The following NECTIN2 variants were observed in gnomAD, a reference collection of about 807,000 sequenced individuals.
NECTIN2 encodes nectin-2.
NECTIN2 carries 23 observed loss-of-function variants against 56.9 expected under a neutral mutation model. That is an observed-to-expected ratio of 0.40 (90% CI 0.29 to 0.57). NECTIN2 has a LOEUF of 0.57. Among genes scored for constraint, NECTIN2 ranks in the 20% least tolerant of loss-of-function variants. The pLI is 0.38. For missense variants in NECTIN2, 587 were observed against 718.3 expected, an observed-to-expected ratio of 0.82 and a Z score of 2.09; for synonymous variants, 302 against 313.8, an observed-to-expected ratio of 0.96 and a Z score of 0.40.
rs1418942572 is a variant in NECTIN2, at chr19:44,888,447, GC to G, written c.*73del. The G allele has an allele frequency of 3.3e-6, 5 of 1,527,430 alleles. No homozygotes were observed. The highest frequency in any genetic ancestry group is 1.4e-5 in the African/African-American group (1 of 72,984). 94.6% of individuals were successfully genotyped at this position (1,527,430 alleles called of 1,614,324 possible). ...TTAGCTTTCTTGCCAAGGATCTAGT[GC>G]CCCCTGACCTCTGGCCAGGCCACTG... On this transcript the variant is annotated 3_prime_UTR_variant, in exon 9 of 9. Coordinates refer to ENST00000252483, the MANE Select transcript of NECTIN2 (RefSeq NM_001042724.2).
At chr19:44,879,450 T>C (rs1969283880) in intron 5 of NECTIN2, among the ~76,000 whole-genome samples, 1 of 151,932 alleles carries the variant, frequency 6.6e-6, no homozygotes, top group Admixed American at 6.5e-5. Context: ...CTCCCATTCT[T>C]AGGGGCCCTG....
intron 2 of NECTIN2, among the ~76,000 whole-genome samples, chr19:44,867,909 C>T (rs1017900580): frequency 2.0e-5 from 3 of 151,354 alleles, no homozygotes; most frequent in Non-Finnish European, 2.9e-5. Flanking sequence ...GAGGAGTGGA[C>T]GGAGGTAGAA....
intron 5 of NECTIN2, among the ~76,000 whole-genome samples, chr19:44,881,302 G>A (rs1051824867): frequency 6.6e-6 from 1 of 151,980 alleles, no homozygotes; most frequent in Non-Finnish European, 1.5e-5. Flanking sequence ...TCTTCTAGCC[G>A]CCCCTGGTCC....
chr19:44,858,716 T>C (rs540148779), intron 1 of NECTIN2, among the ~76,000 whole-genome samples: 11 of 151,978 alleles, frequency 7.2e-5, no homozygotes, highest in South Asian at 2.1e-4. Flanking sequence ...GATCTCAGCT[T>C]ACTGCAACCT....
intron 1 of NECTIN2, among the ~76,000 whole-genome samples, chr19:44,859,436 T>A (rs1969006782): frequency 6.6e-6 from 1 of 152,164 alleles, no homozygotes; most frequent in Admixed American, 6.5e-5. Flanking sequence ...AGAGCCAGGA[T>A]TCAAACCCAT....
intron 6 of NECTIN2, among the ~76,000 whole-genome samples, chr19:44,884,934 A>G (rs189372877): frequency 2.6e-5 from 4 of 152,302 alleles, no homozygotes; most frequent in African/African-American, 4.8e-5. Context: ...AACTCCTCAT[A>G]GTGGATTCTG....
chr19:44,885,307 C>CTTTTTTT (rs34485333), intron 6 of NECTIN2, among the ~76,000 whole-genome samples: 1 of 112,944 alleles, frequency 8.9e-6, no homozygotes, highest in Non-Finnish European at 1.9e-5. Context: ...ATCTTTCTTT[C>CTTTTTTT]TTTTTTTTTT....
chr19:44,865,172 C>A lies in NECTIN2; in HGVS notation c.89-99C>A. ...GAAGCTGCCTACGTTGCATGCGGAG[C>A]CTGCATTTCCCGTGGGGCCCCCTTC... On this transcript the variant is annotated intron_variant, in intron 1 of 8. Coordinates refer to ENST00000252483, the MANE Select transcript of NECTIN2 (RefSeq NM_001042724.2). The surrounding 1 kb of genome is among the most constrained non-coding windows in gnomAD (Gnocchi z 5.2). 3.1e-6 allele frequency: 4 copies of A among 1,310,934 alleles called. No homozygotes were observed. The highest frequency in any genetic ancestry group is 3.1e-6 in the Non-Finnish European group (3 of 953,100). 81.2% of individuals were successfully genotyped at this position (1,310,934 alleles called of 1,614,324 possible). A position where few individuals can be genotyped will look rare whatever the true frequency, so the allele number is the denominator to read the frequency against.
At chr19:44,876,662 A>G (rs1969241856) in intron 5 of NECTIN2, among the ~76,000 whole-genome samples, 1 of 152,134 alleles carries the variant, frequency 6.6e-6, no homozygotes, top group Admixed American at 6.5e-5. Context: ...CGTCACAGAG[A>G]CACAGTATGG....
chr19:44,864,340 G>T (rs1284166280), intron 1 of NECTIN2, among the ~76,000 whole-genome samples: 1 of 151,988 alleles, frequency 6.6e-6, no homozygotes, highest in Non-Finnish European at 1.5e-5. Flanking sequence ...TGAAAGAAAA[G>T]AAAACTTTTA....
chr19:44,865,313 GC>G lies in NECTIN2; in HGVS notation c.133del (p.Gln45SerfsTer24). 1.9e-6 allele frequency: 3 copies of G among 1,613,808 alleles called. No homozygotes were observed. Among genetic ancestry groups the G allele is most frequent in the Non-Finnish European group, 2.5e-6 (3 of 1,179,858 alleles). On this transcript the variant is annotated frameshift_variant, in exon 2 of 9. Coordinates refer to ENST00000252483, the MANE Select transcript of NECTIN2 (RefSeq NM_001042724.2). LOFTEE classifies it high-confidence loss of function. This position sits in a 1 kb window ranked among gnomAD's most constrained non-coding sequence, Gnocchi z 5.2. ...GTTCAAGTGCTACCCGAGGTGCGAGGCCAGCTCGGGGGCACCGTGGAGCTGC... is the reference window on the plus strand; with the variant it reads ...GTTCAAGTGCTACCCGAGGTGCGAGGCAGCTCGGGGGCACCGTGGAGCTGC... ...VRVQVLPEVR[G>X]QLGGTVELPC... is the part of the protein sequence containing the mutation.
intron 8 of NECTIN2, among the ~76,000 whole-genome samples, chr19:44,886,800 G>A (rs2094300483): frequency 6.6e-6 from 1 of 152,122 alleles, no homozygotes; most frequent in Non-Finnish European, 1.5e-5. Flanking sequence ...CAGTACTTTG[G>A]GAGGCCAAGG....
chr19:44,855,452 C>G (rs1968955428), intron 1 of NECTIN2, among the ~76,000 whole-genome samples: 1 of 151,884 alleles, frequency 6.6e-6, no homozygotes, highest in Non-Finnish European at 1.5e-5. Flanking sequence ...ACTCTGAATC[C>G]CAGAGACCCA....
chr19:44,850,644 C>CA (rs1428369672), intron 1 of NECTIN2, among the ~76,000 whole-genome samples: 6 of 151,998 alleles, frequency 3.9e-5, no homozygotes, highest in South Asian at 2.1e-4. Flanking sequence ...GATCCTATCT[C>CA]AAAAAAACAA....
chr19:44,881,265 C>T (rs909510153), intron 5 of NECTIN2, among the ~76,000 whole-genome samples: 1 of 152,112 alleles, frequency 6.6e-6, no homozygotes, highest in African/African-American at 2.4e-5. Flanking sequence ...GATTCTGGAT[C>T]CCAGAATTCT....
At position 44,875,314 on chromosome 19, in the gene NECTIN2, G is replaced by A. The variant is rs1413818289; in HGVS notation, c.1042+836G>A. ...GGAGTCTCGCTCTGTCGCCCAGGCT[G>A]AAGTGTAGTGGCGCAATCTCAGCTC... On this transcript the variant is annotated intron_variant, in intron 5 of 8. Coordinates refer to ENST00000252483, the MANE Select transcript of NECTIN2 (RefSeq NM_001042724.2). The surrounding 1 kb of genome is among the most constrained non-coding windows in gnomAD (Gnocchi z 4.2). Among the ~76,000 whole-genome samples the A allele has an allele frequency of 6.6e-6, 1 of 150,640 alleles. No individual in the cohort carries two copies. The highest frequency in any genetic ancestry group is 2.5e-5 in the African/African-American group (1 of 40,808).
intron 1 of NECTIN2, among the ~76,000 whole-genome samples, chr19:44,858,178 G>A (rs1968989878): frequency 6.6e-6 from 1 of 152,060 alleles, no homozygotes; most frequent in South Asian, 2.1e-4. Context: ...GGGTGGGGGT[G>A]GCCCCTCTGG....
At chr19:44,877,146 G>T (rs774906326) in intron 5 of NECTIN2, among the ~76,000 whole-genome samples, 1 of 152,032 alleles carries the variant, frequency 6.6e-6, no homozygotes, top group Non-Finnish European at 1.5e-5. Flanking sequence ...TTGACAGCCC[G>T]CTGGGTCATG....
intron 5 of NECTIN2, among the ~76,000 whole-genome samples, chr19:44,880,763 G>C (rs1460502397): frequency 6.7e-6 from 1 of 149,160 alleles, no homozygotes; most frequent in Non-Finnish European, 1.5e-5. Context: ...ACTGTGCCTG[G>C]CCCCTGGCTA....
Sources: allele counts gnomAD v4.1 joint callset (sites outside exome capture counted in the v4.1 genomes callset), GRCh38; gene constraint gnomAD v4.1.1; non-coding constraint Gnocchi (gnomAD v3.1); transcripts MANE v1.5; gene names NCBI Gene and HGNC (gene_info 2026-07-23, HGNC 2026-07-21).